The following WDR90 variants were observed in gnomAD, a reference collection of about 807,000 sequenced individuals.
WDR90 encodes WD repeat domain 90.
WDR90 carries 238 observed loss-of-function variants against 195.2 expected under a neutral mutation model. The observed-to-expected ratio is 1.22, with a 90% CI of 1.10 to 1.36. WDR90 has a LOEUF of 1.36. WDR90 is among the 40% of genes most tolerant of loss of function. WDR90 has a pLI of 0.00. For synonymous variants in WDR90, 1,265 were observed against 1,052.4 expected, an observed-to-expected ratio of 1.20 and a Z score of -3.91; for missense variants, 2,734 against 2,439.5, an observed-to-expected ratio of 1.12 and a Z score of -2.54.
chr16:655,823 G>A lies in WDR90; in HGVS notation c.1900G>A (p.Val634Met). Reference sequence around the variant, plus strand: ...CAGCGTCTCCCCGGCCATGTGTGCTGTGGGCTCTGAGGACGGCTTCTTGCG... The same window carrying A: ...CAGCGTCTCCCCGGCCATGTGTGCTATGGGCTCTGAGGACGGCTTCTTGCG... Reference protein sequence around the residue: ...SLSVSPAMCAVGSEDGFLRLW... With the variant: ...SLSVSPAMCAMGSEDGFLRLW... The change falls in exon 17 of 41, where the codon GTG becomes ATG. Residue 634 changes from valine to methionine, a missense_variant. By Grantham distance (21) the Val-to-Met change is conservative. Coordinates refer to ENST00000293879, the MANE Select transcript of WDR90 (RefSeq NM_145294.5). The A allele has an allele frequency of 2.5e-6, 4 of 1,596,700 alleles. No homozygotes were observed. The highest frequency in any genetic ancestry group is 3.4e-6 in the Non-Finnish European group (4 of 1,173,424).
rs1173473890 is a variant in WDR90, at chr16:650,589, G to T, written c.439G>T (p.Asp147Tyr). ...SGARWTCLQL[D>Y]LQDVLLVYLN... Reference sequence around the variant, plus strand: ...AGCCCGCTGGACCTGCCTGCAGCTCGATCTGCAGGACGTTCTCCTGGTCTA... The same window carrying T: ...AGCCCGCTGGACCTGCCTGCAGCTCTATCTGCAGGACGTTCTCCTGGTCTA... The change falls in exon 5 of 41, where the codon GAT (aspartate) becomes TAT (tyrosine). Residue 147 changes from aspartate to tyrosine, a missense_variant. Coordinates refer to ENST00000293879, the MANE Select transcript of WDR90 (RefSeq NM_145294.5). 1.2e-6 allele frequency: 2 copies of T among 1,612,586 alleles called. No individual in the cohort carries two copies. Among genetic ancestry groups the T allele is most frequent in the Non-Finnish European group, 1.7e-6 (2 of 1,179,776 alleles).
chr16:649,166 G>A (rs528782237), upstream of WDR90: 1,151 of 397,662 alleles, frequency 2.9e-3, 16 homozygotes, highest in African/African-American at 0.022. Context: ...AAGCCGGTCG[G>A]GCTAACAGGG....
intron 5 of WDR90, 66 bp downstream of exon 5, chr16:650,775 A>G (rs747391723): frequency 9.6e-6 from 15 of 1,570,614 alleles, no homozygotes; most frequent in Non-Finnish European, 1.3e-5. Context: ...GAGAGGCCCA[A>G]GTCCAGGGTG....
chr16:650,892 G>A (rs2037631749), intron 5 of WDR90, 103 bp from the exon 6 acceptor site: 2 of 1,495,054 alleles, frequency 1.3e-6, no homozygotes, highest in East Asian at 2.3e-5. Context: ...GCCCTGGGGT[G>A]GGGCGGTGGC....
Position 649,801 on chromosome 16 carries a change from C to A in WDR90, c.49C>A (p.Arg17=), listed in dbSNP as rs780082479. The A allele has an allele frequency of 1.3e-6, 2 of 1,578,324 alleles. No individual in the cohort carries two copies. The highest frequency in any genetic ancestry group is 2.3e-5 in the East Asian group (1 of 43,078). Residue 17 remains arginine, a synonymous_variant, in exon 2 of 41, where the codon CGG becomes AGG. Coordinates refer to ENST00000293879, the MANE Select transcript of WDR90 (RefSeq NM_145294.5). ...GTTCCTCAACGTCTTCAGACACTTC[C>A]GGGTGGACGAGTGGAAGCGCTCCGC... ...HPFLNVFRHF[R]VDEWKRSAKQ...
intron 40 of WDR90, 136 bp downstream of exon 40, chr16:667,125 T>A: frequency 1.0e-6 from 1 of 976,112 alleles, no homozygotes; most frequent in Non-Finnish European, 1.6e-6. Context: ...ACATCTGCCC[T>A]AGAGAGGGTC....
intron 28 of WDR90, 52 bp from the exon 29 acceptor site, chr16:660,999 C>T: frequency 2.8e-5 from 2 of 72,370 alleles, no homozygotes; most frequent in Non-Finnish European, 4.0e-5. Context: ...GGCCCCTCCC[C>T]GCCCCCCCCC....
intron 36 of WDR90, 29 bp from the exon 37 acceptor site, chr16:666,191 G>A: frequency 6.2e-7 from 1 of 1,607,078 alleles, no homozygotes; most frequent in Non-Finnish European, 8.5e-7. Flanking sequence ...TCCGGGCTGG[G>A]GGCTCACAGG....
At position 665,710 on chromosome 16, in the gene WDR90, C is replaced by A; in HGVS notation, c.4343C>A (p.Ser1448Tyr). The A allele has an allele frequency of 6.2e-7, 1 of 1,612,620 alleles. No individual in the cohort carries two copies. The stretch of plus-strand genomic sequence containing the variant: ...GAGGTGGTCTTCAGCCCCGGGGAGT[C>A]CCACTGCGCCACATGCAGTGAGGAT... ...VNEVVFSPGE[S>Y]HCATCSEDGS... The change falls in exon 35 of 41, where the codon TCC becomes TAC. Residue 1448 changes from serine (S) to tyrosine (Y), a missense_variant. Coordinates refer to ENST00000293879, the MANE Select transcript of WDR90 (RefSeq NM_145294.5).
chr16:650,042 G>T lies in WDR90; in HGVS notation c.154G>T (p.Ala52Ser), dbSNP rs1337769950. 6.2e-7 allele frequency: 1 copy of T among 1,612,776 alleles called. No homozygotes were observed. Among genetic ancestry groups the T allele is most frequent in the Admixed American group, 1.7e-5 (1 of 60,034 alleles). Residue 52 changes from alanine (A) to serine (S), a missense_variant, in exon 3 of 41, where the codon GCC becomes TCC. By Grantham distance (99) the Ala-to-Ser change is moderately conservative. Transcript: ENST00000293879. ...VYRIRGSVSAANYIQLPKSST... is the reference protein window; with the variant it reads ...VYRIRGSVSASNYIQLPKSST... ...TCGCATTCGGGGCTCAGTCTCTGCC[G>T]CCAACTACATCCAGCTCCCTAAGAG...
rs1438438509 is a variant in WDR90 at position 658,548 on chromosome 16, CT to C, written c.2791del (p.Cys931AlafsTer4). 1 of 1,612,594 alleles carries C rather than the reference CT, an allele frequency of 6.2e-7. No homozygotes were observed. The highest frequency in any genetic ancestry group is 2.2e-5 in the East Asian group (1 of 44,874). ...RELPGVHPEP[C>X]PSLTLSEDAR... is the part of the protein sequence containing the mutation. ...AGCTGCCCGGTGTCCACCCTGAGCC[CT>C]GCCCCTCCTTGACGCTCAGTGAGGA... On this transcript the variant is annotated frameshift_variant, in exon 23 of 41. Transcript: ENST00000293879. LOFTEE classifies it high-confidence loss of function.
chr16:650,883 C>A, intron 5 of WDR90, 112 bp from the exon 6 acceptor site: 1 of 1,490,946 alleles, frequency 6.7e-7, no homozygotes, highest in African/African-American at 1.4e-5. Flanking sequence ...CCAGAGGCAG[C>A]CCTGGGGTGG....
intron 23 of WDR90, 22 bp from the exon 24 acceptor site, chr16:658,874 C>T: frequency 6.2e-7 from 1 of 1,609,208 alleles, no homozygotes; most frequent in Non-Finnish European, 8.5e-7. Context: ...CGGGGTCCTG[C>T]ATGTGACGCC....
At chr16:664,143 G>C (rs929388091) in intron 34 of WDR90, among the ~76,000 whole-genome samples, 2 of 152,124 alleles carry the variant, frequency 1.3e-5, no homozygotes, top group African/African-American at 4.8e-5. Flanking sequence ...GTGTGTTTCA[G>C]GGGGTGGCTT....
In WDR90 at chr16:658,795, G is replaced by A. The variant is rs546968394; in HGVS notation, c.2896-101G>A. On this transcript the variant is annotated intron_variant, in intron 23 of 40. Transcript: ENST00000293879. ...CCCCCCAAGGATCCTCTGTGCCTCC[G>A]GGGCCTCACACTGTGTGGGGCTCAC... 9.4e-5 allele frequency: 147 copies of A among 1,557,076 alleles called. No homozygotes were observed. In the East Asian group the frequency reaches 2.8e-3, roughly 29 times the overall value.
chr16:650,612 C>A lies in WDR90; in HGVS notation c.462C>A (p.Val154=). The A allele has an allele frequency of 6.2e-7, 1 of 1,612,808 alleles. No individual in the cohort carries two copies. The highest frequency in any genetic ancestry group is 8.5e-7 in the Non-Finnish European group (1 of 1,179,942). ...LQLDLQDVLL[V]YLNRCYGHLK... ...TCGATCTGCAGGACGTTCTCCTGGT[C>A]TACCTGAACCGGTGCTACGGCCATC... The change falls in exon 5 of 41, where the codon GTC becomes GTA. Residue 154 remains valine (V), a synonymous_variant. Coordinates refer to ENST00000293879, the MANE Select transcript of WDR90 (RefSeq NM_145294.5).
rs1234485038 is a variant in WDR90, at chr16:661,979, C to T, written c.3953C>T (p.Thr1318Ile). 1.2e-6 allele frequency: 2 copies of T among 1,605,770 alleles called. No individual in the cohort carries two copies. The highest frequency in any genetic ancestry group is 1.3e-5 in the African/African-American group (1 of 75,046). The change falls in exon 32 of 41, where the codon ACC becomes ATC. Residue 1318 changes from threonine (T) to isoleucine (I), a missense_variant. By Grantham distance (89) the Thr-to-Ile change is moderately conservative. Transcript: ENST00000293879. The part of the protein sequence containing the change: ...YGAPPLLYCG[T>I]SSGQVCVWDT... ...GCACCTCCCCTGCTCTATTGTGGCA[C>T]CAGCTCTGGCCAGGTCTGTGTCTGG...
chr16:666,274 G>A lies in WDR90; in HGVS notation c.4664G>A (p.Cys1555Tyr), dbSNP rs780863972. ...KDGLVAVSHP[C>Y]TGTTFRVLSD... Reference sequence around the variant, plus strand: ...GGGCTCGTGGCTGTGAGCCACCCCTGCACAGGGACAACCTTCCGTGTGCTG... The same window carrying A: ...GGGCTCGTGGCTGTGAGCCACCCCTACACAGGGACAACCTTCCGTGTGCTG... Residue 1555 changes from cysteine to tyrosine, a missense_variant, in exon 37 of 41, where the codon TGC becomes TAC. Transcript: ENST00000293879. 8.1e-6 allele frequency: 13 copies of A among 1,612,692 alleles called. No homozygotes were observed. Among genetic ancestry groups the A allele is most frequent in the East Asian group, 2.2e-5 (1 of 44,874 alleles).
intron 20 of WDR90, among the ~76,000 whole-genome samples, chr16:657,517 G>A (rs2037786176): frequency 6.6e-6 from 1 of 152,172 alleles, no homozygotes; most frequent in South Asian, 2.1e-4. Flanking sequence ...CTGTCCTGCG[G>A]CCACCATAAC....
Sources: allele counts gnomAD v4.1 joint callset (sites outside exome capture counted in the v4.1 genomes callset), GRCh38; gene constraint gnomAD v4.1.1; transcripts MANE v1.5; gene names NCBI Gene and HGNC (gene_info 2026-07-23, HGNC 2026-07-21).